ADORA2B: variants seen among roughly 807,000 people sequenced by gnomAD.
ADORA2B encodes adenosine receptor A2b.
In ADORA2B, 18 loss-of-function variants were observed where a neutral mutation model predicts 20.8. The observed-to-expected ratio is 0.87, with a 90% confidence interval of 0.60 to 1.29. The LOEUF is 1.29. Ranked by LOEUF, ADORA2B falls within the 50% of genes most tolerant of loss-of-function variation. ADORA2B has a pLI of 0.00. For synonymous variants in ADORA2B, 179 were observed against 178.3 expected, an observed-to-expected ratio of 1.00 and a Z score of -0.03; for missense variants, 441 against 422.7, an observed-to-expected ratio of 1.04 and a Z score of -0.38.
the ADORA2B span, among the ~76,000 whole-genome samples, chr17:15,859,562 C>T: frequency 1.3e-5 from 2 of 151,864 alleles, no homozygotes; most frequent in Non-Finnish European, 2.9e-5. Context: ...AAACAAGGCA[C>T]TTAGTTCTCT....
At chr17:15,855,802 T>C in the ADORA2B span, among the ~76,000 whole-genome samples, 2 of 152,104 alleles carry the variant, frequency 1.3e-5, no homozygotes, top group Non-Finnish European at 2.9e-5. Flanking sequence ...ATTCGGGTGG[T>C]GAGCATAGTA....
the ADORA2B span, among the ~76,000 whole-genome samples, chr17:15,935,581 A>G: frequency 6.6e-6 from 1 of 152,180 alleles, no homozygotes; most frequent in South Asian, 2.1e-4. Flanking sequence ...TTCGATGTAC[A>G]TGCTTATTTT....
chr17:15,945,604 C>A, intron 1 of ADORA2B, 21 bp downstream of exon 1: 4 of 1,455,818 alleles, frequency 2.7e-6, no homozygotes, highest in East Asian at 2.6e-5. Context: ...CGGCGTCGCC[C>A]GAACTCGGGG....
At chr17:15,954,777 T>C (rs1969946891) in intron 1 of ADORA2B, among the ~76,000 whole-genome samples, 1 of 152,162 alleles carries the variant, frequency 6.6e-6, no homozygotes, top group Non-Finnish European at 1.5e-5. Flanking sequence ...AAAAAAAATT[T>C]TTTATTTCTC....
At chr17:15,867,476 C>T in the ADORA2B span, among the ~76,000 whole-genome samples, 3 of 149,098 alleles carry the variant, frequency 2.0e-5, no homozygotes, top group African/African-American at 5.1e-5. Context: ...TGGCAACCGC[C>T]CCGTCTGAGA....
chr17:15,876,234 A>G, the ADORA2B span, among the ~76,000 whole-genome samples: 1 of 151,844 alleles, frequency 6.6e-6, no homozygotes. Context: ...GTCAGCAACT[A>G]TTTCCCTTTA....
chr17:15,933,909 G>A, the ADORA2B span, among the ~76,000 whole-genome samples: 4 of 152,066 alleles, frequency 2.6e-5, no homozygotes, highest in Non-Finnish European at 5.9e-5. Context: ...AGAAGTGAGA[G>A]CAAAATCCTT....
At chr17:15,956,850 T>G (rs901315386) in intron 1 of ADORA2B, among the ~76,000 whole-genome samples, 2 of 152,170 alleles carry the variant, frequency 1.3e-5, no homozygotes, top group African/African-American at 4.8e-5. Flanking sequence ...TCTACTCGCC[T>G]CGGCCTCCCA....
intron 1 of ADORA2B, among the ~76,000 whole-genome samples, chr17:15,949,974 C>T (rs1969875884): frequency 6.6e-6 from 1 of 152,244 alleles, no homozygotes; most frequent in African/African-American, 2.4e-5. Context: ...CCTTTCTCTT[C>T]CAGATCATTC....
chr17:15,968,373 C>G (rs981126394), intron 1 of ADORA2B, among the ~76,000 whole-genome samples: 1 of 152,180 alleles, frequency 6.6e-6, no homozygotes, highest in Non-Finnish European at 1.5e-5. Flanking sequence ...CAACCAACCC[C>G]CTGTGTGTAC....
At chr17:15,879,686 C>T in the ADORA2B span, among the ~76,000 whole-genome samples, 1 of 148,822 alleles carries the variant, frequency 6.7e-6, no homozygotes, top group African/African-American at 2.6e-5. Flanking sequence ...TACAGGCGCC[C>T]ACCACCACGC....
Position 15,974,932 on chromosome 17 carries a change from A to T in ADORA2B, c.589A>T (p.Ile197Leu). Residue 197 changes from isoleucine to leucine, a missense_variant, in exon 2 of 2, where the codon ATA becomes TTA. Ile to Leu is a conservative substitution (Grantham distance 5, BLOSUM62 2). Transcript: ENST00000304222. ...FFGCVLPPLL[I>L]MLVIYIKIFL... Reference sequence around the variant, plus strand: ...TGGGTGTGTTCTGCCCCCACTGCTTATAATGCTGGTGATCTACATTAAGAT... The same window carrying T: ...TGGGTGTGTTCTGCCCCCACTGCTTTTAATGCTGGTGATCTACATTAAGAT... 2 of 1,614,160 alleles carry T rather than the reference A, an allele frequency of 1.2e-6. No homozygotes were observed. Among genetic ancestry groups the T allele is most frequent in the South Asian group, 2.2e-5 (2 of 91,078 alleles).
chr17:15,852,094 TC>T, the ADORA2B span, among the ~76,000 whole-genome samples: 2 of 152,240 alleles, frequency 1.3e-5, no homozygotes, highest in South Asian at 2.1e-4. Flanking sequence ...TTAGTCTTTT[TC>T]CTATTTGTAA....
At chr17:15,914,332 G>T in the ADORA2B span, among the ~76,000 whole-genome samples, 475 of 152,284 alleles carry the variant, frequency 3.1e-3, no homozygotes, top group African/African-American at 0.011. Flanking sequence ...AAGTAGCTAG[G>T]ACTACAGATG....
At chr17:15,867,961 C>T in the ADORA2B span, among the ~76,000 whole-genome samples, 485 of 151,434 alleles carry the variant, frequency 3.2e-3, 4 homozygotes, top group African/African-American at 0.011. Flanking sequence ...ATTGAGAAAT[C>T]GGATGGTTGC....
At chr17:15,974,377 C>T (rs1029581635) in intron 1 of ADORA2B, 4 of 296,914 alleles carry the variant, frequency 1.3e-5, no homozygotes, top group South Asian at 9.6e-5. Context: ...GAGAACCCAC[C>T]GAGGACATTG....
chr17:15,929,740 G>A, the ADORA2B span, among the ~76,000 whole-genome samples: 11 of 152,336 alleles, frequency 7.2e-5, no homozygotes, highest in Non-Finnish European at 1.2e-4. Flanking sequence ...CCTTGAGGAC[G>A]TTATGCTGAG....
the ADORA2B span, among the ~76,000 whole-genome samples, chr17:15,906,242 T>C: frequency 6.6e-6 from 1 of 152,252 alleles, no homozygotes; most frequent in African/African-American, 2.4e-5. Flanking sequence ...TGTTAGTTGT[T>C]GTTTTCTGCA....
the ADORA2B span, among the ~76,000 whole-genome samples, chr17:15,894,363 A>C: frequency 6.6e-6 from 1 of 152,236 alleles, no homozygotes; most frequent in Non-Finnish European, 1.5e-5. Flanking sequence ...GAGGGGAGAC[A>C]GTGGCAGTGA....
Sources: allele counts gnomAD v4.1 joint callset (sites outside exome capture counted in the v4.1 genomes callset), GRCh38; gene constraint gnomAD v4.1.1; transcripts MANE v1.5; gene names NCBI Gene and HGNC (gene_info 2026-07-23, HGNC 2026-07-21).